The following FABP12 variants were observed in gnomAD, a reference collection of about 807,000 sequenced individuals.
FABP12 encodes fatty acid-binding protein 12.
A neutral mutation model predicts 13.7 loss-of-function variants in FABP12; 19 were observed. The ratio of observed to expected loss-of-function variants is 1.39; its 90% CI spans 0.97 to 2.04. The LOEUF is 2.04. Among genes scored for constraint, FABP12 ranks in the 30% most tolerant of loss-of-function variants. The pLI, the probability that FABP12 is intolerant of heterozygous loss-of-function variation, is 0.00. For synonymous variants in FABP12, 61 were observed against 57.0 expected (o/e 1.07, Z -0.32); for missense variants, 182 against 164.2 (o/e 1.11, Z -0.59).
intron 1 of FABP12, among the ~76,000 whole-genome samples, chr8:81,579,110 G>A (rs1810111273): frequency 6.6e-6 from 1 of 152,060 alleles, no homozygotes; most frequent in Admixed American, 6.5e-5. Context: ...TTACAGGCGT[G>A]AGCCACCGCG....
chr8:81,545,543 G>A (rs1251335370), intron 1 of FABP12, among the ~76,000 whole-genome samples: 3 of 152,158 alleles, frequency 2.0e-5, no homozygotes, highest in Non-Finnish European at 4.4e-5. Context: ...AATGGATGAA[G>A]GATATAAATA....
At chr8:81,551,987 C>T (rs77187153) in intron 1 of FABP12, among the ~76,000 whole-genome samples, 7,905 of 152,096 alleles carry the variant, frequency 0.052, 248 homozygotes, top group South Asian at 0.1. Flanking sequence ...ACAAGGCAAA[C>T]GAGGTCCTTG....
chr8:81,575,152 T>C (rs1231875025), intron 1 of FABP12, among the ~76,000 whole-genome samples: 1 of 152,186 alleles, frequency 6.6e-6, no homozygotes, highest in Non-Finnish European at 1.5e-5. Context: ...ATAGGTTGTG[T>C]CATTATTGTC....
chr8:81,529,946 A>G (rs887153946), intron 2 of FABP12, among the ~76,000 whole-genome samples: 2 of 152,234 alleles, frequency 1.3e-5, no homozygotes, highest in African/African-American at 4.8e-5. Flanking sequence ...GATTAAAGCT[A>G]TCAACTATCT....
rs575272829 is a variant in FABP12, at chr8:81,567,667, T to C, written c.-185+22386A>G. Among the ~76,000 whole-genome samples, 143 of 152,268 alleles carry C rather than the reference T, an allele frequency of 9.4e-4. 3 individuals are homozygous for C. Among genetic ancestry groups the C allele is most frequent in the African/African-American group, 3.2e-3 (133 of 41,548 alleles). On this transcript the variant is annotated intron_variant, in intron 1 of 5. Coordinates refer to the FABP12 transcript ENST00000692030. ...ATACAAAATTCAAATCAAAATGGAT[T>C]AAAGATTTAAATCTAAGTCCACAAA...
chr8:81,564,987 T>TA (rs1000000210), intron 1 of FABP12, among the ~76,000 whole-genome samples: 2 of 150,676 alleles, frequency 1.3e-5, no homozygotes, highest in Non-Finnish European at 3.0e-5. Context: ...TAAAGGGATA[T>TA]AAAAAAACAA....
chr8:81,584,822 CT>C, intron 1 of FABP12, among the ~76,000 whole-genome samples: 1 of 152,206 alleles, frequency 6.6e-6, no homozygotes, highest in South Asian at 2.1e-4. Flanking sequence ...AGATAATAAT[CT>C]TTTTGAGGAA....
At chr8:81,585,763 T>C (rs1272885158) in intron 1 of FABP12, among the ~76,000 whole-genome samples, 2 of 152,194 alleles carry the variant, frequency 1.3e-5, no homozygotes, top group African/African-American at 2.4e-5. Flanking sequence ...ATCACTGTTT[T>C]ATTGGTTTTT....
At chr8:81,570,259 G>C (rs1389738959) in intron 1 of FABP12, among the ~76,000 whole-genome samples, 1 of 152,194 alleles carries the variant, frequency 6.6e-6, no homozygotes. Flanking sequence ...AAGGGCTACA[G>C]ATCTTCTCTC....
At chr8:81,527,212 A>G in intron 3 of FABP12, 91 bp from the exon 4 acceptor site, 1 of 682,700 alleles carries the variant, frequency 1.5e-6, no homozygotes, top group Non-Finnish European at 2.5e-6. Context: ...AGCTGTTGTA[A>G]TACTCTCAGG....
intron 1 of FABP12, among the ~76,000 whole-genome samples, chr8:81,583,235 C>G (rs558317398): frequency 6.6e-6 from 1 of 151,894 alleles, no homozygotes; most frequent in African/African-American, 2.4e-5. Flanking sequence ...TAGCAATAAG[C>G]ACCTATATCA....
intron 1 of FABP12, among the ~76,000 whole-genome samples, chr8:81,539,802 C>G (rs1457793674): frequency 2.6e-5 from 4 of 152,194 alleles, no homozygotes; most frequent in Non-Finnish European, 2.9e-5. Flanking sequence ...GCCTATGATT[C>G]AGACCCTGCT....
At position 81,553,430 on chromosome 8, in the gene FABP12, A is replaced by T. The variant is rs79491840; in HGVS notation, c.-184-13687T>A. Among the ~76,000 whole-genome samples the T allele has an allele frequency of 2.0e-3, 299 of 152,288 alleles. 4 individuals are homozygous for T. In the East Asian group the frequency reaches 0.043, roughly 22 times the overall value. Reference sequence around the variant, plus strand: ...ATTTATACTATATTTTCACAGTGCTATTGTACCAATTTATACTATATTTTC... The same window carrying T: ...ATTTATACTATATTTTCACAGTGCTTTTGTACCAATTTATACTATATTTTC... On this transcript the variant is annotated intron_variant, in intron 1 of 5. Coordinates refer to the FABP12 transcript ENST00000692030.
chr8:81,587,758 C>G (rs1362860406), intron 1 of FABP12, among the ~76,000 whole-genome samples: 1 of 151,886 alleles, frequency 6.6e-6, no homozygotes, highest in Non-Finnish European at 1.5e-5. Flanking sequence ...TCTAGAGGGA[C>G]AGAACTAATA....
chr8:81,533,616 C>T (rs1809143898), intron 1 of FABP12, among the ~76,000 whole-genome samples, 186 bp downstream of exon 1: 1 of 152,182 alleles, frequency 6.6e-6, no homozygotes. Flanking sequence ...CATGAAACCA[C>T]TGCCCATTTT....
chr8:81,563,582 A>G (rs1809764113), intron 1 of FABP12, among the ~76,000 whole-genome samples: 1 of 152,208 alleles, frequency 6.6e-6, no homozygotes, highest in East Asian at 1.9e-4. Context: ...TTTAATAGGG[A>G]GATTGAAATC....
At chr8:81,577,193 T>G (rs1011148369) in intron 1 of FABP12, among the ~76,000 whole-genome samples, 1 of 152,214 alleles carries the variant, frequency 6.6e-6, no homozygotes, top group African/African-American at 2.4e-5. Context: ...TTTGCATGCA[T>G]CTTTACAAGT....
At chr8:81,580,479 G>A (rs536571266) in intron 1 of FABP12, among the ~76,000 whole-genome samples, 2 of 149,978 alleles carry the variant, frequency 1.3e-5, no homozygotes, top group South Asian at 4.2e-4. Context: ...AAGGCCAGTG[G>A]TCTGCCCAAG....
intron 1 of FABP12, among the ~76,000 whole-genome samples, chr8:81,563,286 T>C (rs1418092383): frequency 6.6e-6 from 1 of 152,148 alleles, no homozygotes; most frequent in African/African-American, 2.4e-5. Flanking sequence ...GCAAGTCCCT[T>C]CAAATACCTA....
Sources: allele counts gnomAD v4.1 joint callset (sites outside exome capture counted in the v4.1 genomes callset), GRCh38; gene constraint gnomAD v4.1.1; transcripts MANE v1.5; gene names NCBI Gene and HGNC (gene_info 2026-07-23, HGNC 2026-07-21).